The following TMEM178B variants were observed in gnomAD, a reference collection of about 807,000 sequenced individuals.
TMEM178B encodes transmembrane protein 178B.
A neutral mutation model predicts 31.0 loss-of-function variants in TMEM178B; 5 were observed. The observed-to-expected ratio is 0.16, with a 90% CI of 0.08 to 0.34. The LOEUF (loss-of-function observed/expected upper bound fraction) is 0.34. Ranked by LOEUF, TMEM178B falls within the 10% of genes least tolerant of loss-of-function variation. The pLI, the probability that TMEM178B is intolerant of heterozygous loss-of-function variation, is 1.00. For synonymous variants in TMEM178B, 164 were observed against 164.0 expected, an observed-to-expected ratio of 1.00 and a Z score of 0.00; for missense variants, 275 against 400.3, an observed-to-expected ratio of 0.69 and a Z score of 2.67.
intron 1 of TMEM178B, among the ~76,000 whole-genome samples, chr7:141,126,523 C>T (rs1445033174): frequency 6.6e-6 from 1 of 152,194 alleles, no homozygotes; most frequent in Non-Finnish European, 1.5e-5. Context: ...TGCAATGTTA[C>T]CCTCAAACCT....
intron 1 of TMEM178B, among the ~76,000 whole-genome samples, chr7:141,132,005 A>C (rs576120733): frequency 1.3e-5 from 2 of 151,866 alleles, no homozygotes; most frequent in South Asian, 4.2e-4. Flanking sequence ...TTGTACACGC[A>C]CTCATTTCCC....
At chr7:141,487,058 G>A in the TMEM178B span, among the ~76,000 whole-genome samples, 2 of 152,058 alleles carry the variant, frequency 1.3e-5, no homozygotes, top group Admixed American at 6.5e-5. Context: ...ATGGGGAAGA[G>A]AGCAACAGAG....
At chr7:141,291,175 T>C (rs927921910) in intron 2 of TMEM178B, among the ~76,000 whole-genome samples, 2 of 152,182 alleles carry the variant, frequency 1.3e-5, no homozygotes, top group African/African-American at 4.8e-5. Context: ...CCATCTATAT[T>C]GGGAAAGTGT....
intron 1 of TMEM178B, among the ~76,000 whole-genome samples, chr7:141,178,448 A>G (rs919473386): frequency 6.6e-6 from 1 of 152,244 alleles, no homozygotes; most frequent in Non-Finnish European, 1.5e-5. Context: ...ATAATCATTG[A>G]CATATGAGCT....
chr7:141,428,104 A>G (rs1801353277), intron 2 of TMEM178B, among the ~76,000 whole-genome samples: 2 of 152,164 alleles, frequency 1.3e-5, no homozygotes, highest in South Asian at 4.1e-4. Flanking sequence ...CTCTATTAAT[A>G]AAATAATAAT....
intron 1 of TMEM178B, among the ~76,000 whole-genome samples, chr7:141,168,038 G>T (rs1318420099): frequency 6.6e-6 from 1 of 152,168 alleles, no homozygotes; most frequent in Non-Finnish European, 1.5e-5. Context: ...TCAAGTTTAT[G>T]CATCTTTTTC....
intron 1 of TMEM178B, among the ~76,000 whole-genome samples, chr7:141,123,696 T>C (rs1383550400): frequency 1.3e-5 from 2 of 152,192 alleles, no homozygotes; most frequent in South Asian, 2.1e-4. Flanking sequence ...TTGGCTGATA[T>C]ACATGCTAGG....
chr7:141,420,102 T>C (rs906150013), intron 2 of TMEM178B, among the ~76,000 whole-genome samples: 1 of 152,078 alleles, frequency 6.6e-6, no homozygotes, highest in African/African-American at 2.4e-5. Context: ...TTTCTTGACC[T>C]CCATATGTTA....
intron 2 of TMEM178B, among the ~76,000 whole-genome samples, chr7:141,219,712 A>G (rs1797223963): frequency 6.6e-6 from 1 of 152,100 alleles, no homozygotes; most frequent in Non-Finnish European, 1.5e-5. Context: ...GGTGGTATTT[A>G]TGCACCAGGC....
chr7:141,117,605 T>C (rs1057166650), intron 1 of TMEM178B, among the ~76,000 whole-genome samples: 2 of 152,222 alleles, frequency 1.3e-5, no homozygotes, highest in Non-Finnish European at 2.9e-5. Flanking sequence ...CTGAATGGTA[T>C]TGCCTAGGTT....
At chr7:141,175,777 A>G (rs1796423848) in intron 1 of TMEM178B, among the ~76,000 whole-genome samples, 1 of 152,166 alleles carries the variant, frequency 6.6e-6, no homozygotes, top group Non-Finnish European at 1.5e-5. Context: ...ATTGGTGTAT[A>G]GGAATGCTTG....
chr7:141,416,452 G>A (rs549141330), intron 2 of TMEM178B: 2 of 152,634 alleles, frequency 1.3e-5, no homozygotes, highest in African/African-American at 4.8e-5. Flanking sequence ...GAAATATCTT[G>A]CCTCTTGCTC....
intron 2 of TMEM178B, among the ~76,000 whole-genome samples, chr7:141,314,503 A>G (rs569763165): frequency 2.0e-5 from 3 of 152,220 alleles, no homozygotes; most frequent in East Asian, 3.9e-4. Context: ...CTTCCACCAC[A>G]TACTCATTCC....
At chr7:141,351,216 C>T (rs576165304) in intron 2 of TMEM178B, among the ~76,000 whole-genome samples, 9 of 152,348 alleles carry the variant, frequency 5.9e-5, no homozygotes, top group Admixed American at 2.0e-4. Context: ...CCCAAACTCT[C>T]GTGACATAAA....
intron 2 of TMEM178B, among the ~76,000 whole-genome samples, chr7:141,287,470 G>A (rs1039837967): frequency 5.3e-5 from 8 of 152,098 alleles, no homozygotes; most frequent in South Asian, 2.1e-4. Flanking sequence ...AACTAGCAGC[G>A]TAGTTGTCCC....
chr7:141,169,984 A>G (rs894087987), intron 1 of TMEM178B, among the ~76,000 whole-genome samples: 12 of 152,166 alleles, frequency 7.9e-5, no homozygotes, highest in Non-Finnish European at 1.3e-4. Context: ...TTATGCAAAT[A>G]TTTTTCCATA....
intron 2 of TMEM178B, among the ~76,000 whole-genome samples, chr7:141,298,097 C>T (rs192249502): frequency 1.9e-3 from 296 of 152,342 alleles, no homozygotes; most frequent in African/African-American, 7.0e-3. Flanking sequence ...TTGCATTTCT[C>T]TGATGGCCAG....
chr7:141,421,553 C>CT (rs1267293063), intron 2 of TMEM178B, among the ~76,000 whole-genome samples: 2 of 152,176 alleles, frequency 1.3e-5, no homozygotes, highest in African/African-American at 4.8e-5. Context: ...GACCAAGATT[C>CT]TCACCCTAGT....
At chr7:141,114,640 T>C (rs1795289579) in intron 1 of TMEM178B, among the ~76,000 whole-genome samples, 1 of 152,232 alleles carries the variant, frequency 6.6e-6, no homozygotes, top group African/African-American at 2.4e-5. Flanking sequence ...AAAGTCTCCA[T>C]GGGGCTGAGC....
Sources: gnomAD v4.1 joint callset for allele counts (sites outside exome capture counted in the v4.1 genomes callset) on GRCh38, gnomAD v4.1.1 for gene constraint, MANE v1.5 for transcripts, NCBI Gene and HGNC (gene_info 2026-07-23, HGNC 2026-07-21) for gene names.